Variants in CNTN5 observed in about 807,000 individuals in gnomAD.
CNTN5 encodes the protein contactin-5.
In CNTN5, 77 loss-of-function variants were observed where a neutral mutation model predicts 129.1. The ratio of observed to expected loss-of-function variants is 0.60; its 90% CI spans 0.50 to 0.72. The LOEUF is 0.72. Ranked by LOEUF, CNTN5 falls within the 30% of genes least tolerant of loss-of-function variation. The pLI is 0.00. For synonymous variants in CNTN5, 509 were observed against 465.6 expected (o/e 1.09, Z -1.20); for missense variants, 1,478 against 1,328.8 (o/e 1.11, Z -1.75).
intron 1 of CNTN5, among the ~76,000 whole-genome samples, chr11:99,059,348 G>A (rs760280683): frequency 7.2e-5 from 11 of 152,048 alleles, no homozygotes; most frequent in Non-Finnish European, 1.2e-4. Context: ...GCTTGGCAGA[G>A]AGGGAACTTT....
At chr11:99,288,167 G>T (rs1207383335) in intron 1 of CNTN5, among the ~76,000 whole-genome samples, 1 of 151,732 alleles carries the variant, frequency 6.6e-6, no homozygotes, top group Non-Finnish European at 1.5e-5. Flanking sequence ...ATGATTATGG[G>T]TAATTAGCTT....
intron 3 of CNTN5, among the ~76,000 whole-genome samples, chr11:99,683,260 A>G (rs1177368437): frequency 6.6e-6 from 1 of 151,826 alleles, no homozygotes; most frequent in East Asian, 1.9e-4. Context: ...TATTTTATGG[A>G]AACTTTCCTG....
At chr11:99,618,968 A>G (rs989426057) in intron 3 of CNTN5, among the ~76,000 whole-genome samples, 8 of 152,190 alleles carry the variant, frequency 5.3e-5, no homozygotes, top group Admixed American at 1.3e-4. Context: ...TTATTAATCA[A>G]TGAGTCTGAC....
intron 3 of CNTN5, among the ~76,000 whole-genome samples, chr11:99,637,702 A>G (rs554539420): frequency 2.0e-5 from 3 of 152,102 alleles, no homozygotes; most frequent in East Asian, 3.9e-4. Flanking sequence ...TCAAAAATAT[A>G]TAACTATTTA....
chr11:99,361,791 C>A (rs772444035), intron 2 of CNTN5, among the ~76,000 whole-genome samples: 7 of 92,496 alleles, frequency 7.6e-5, no homozygotes, highest in Non-Finnish European at 1.5e-4. Flanking sequence ...CTTTAAAGAT[C>A]ATCCGTGTCA....
At chr11:100,028,712 G>A (rs1941551666) in intron 9 of CNTN5, among the ~76,000 whole-genome samples, 1 of 152,018 alleles carries the variant, frequency 6.6e-6, no homozygotes, top group East Asian at 1.9e-4. Flanking sequence ...TTCACTCTTT[G>A]GCTTTCTGCT....
rs572900789 is a variant in CNTN5 at position 99,602,800 on chromosome 11, G to A, written c.55+46531G>A. On this transcript the variant is annotated intron_variant, in intron 3 of 24. Transcript: ENST00000524871. Reference sequence around the variant, plus strand: ...AGTGGGTCCCTGACCCCTGACCCCCGAGCAGCCTAACTGGGAGGCACCCCC... The same window carrying A: ...AGTGGGTCCCTGACCCCTGACCCCCAAGCAGCCTAACTGGGAGGCACCCCC... 3.2e-3 allele frequency among the ~76,000 whole-genome samples: 474 copies of A among 147,826 alleles called. 2 individuals are homozygous for A. The highest frequency in any genetic ancestry group is 0.011 in the African/African-American group (447 of 39,800).
intron 2 of CNTN5, among the ~76,000 whole-genome samples, chr11:99,394,692 T>C (rs183716134): frequency 5.1e-4 from 78 of 151,694 alleles, no homozygotes; most frequent in African/African-American, 1.5e-3. Flanking sequence ...GTTTCCTTTC[T>C]CTCACCCTTC....
intron 3 of CNTN5, among the ~76,000 whole-genome samples, chr11:99,784,279 C>T (rs546478701): frequency 5.9e-5 from 9 of 152,184 alleles, no homozygotes; most frequent in African/African-American, 2.2e-4. Flanking sequence ...AGGTATTTCT[C>T]CTAATGCTAT....
chr11:100,024,378 T>A (rs540929052), intron 9 of CNTN5, among the ~76,000 whole-genome samples: 1 of 152,288 alleles, frequency 6.6e-6, no homozygotes, highest in African/African-American at 2.4e-5. Context: ...AATTACCCAG[T>A]CTCAGGCAGT....
At chr11:99,336,910 C>T (rs1252135269) in intron 2 of CNTN5, among the ~76,000 whole-genome samples, 1 of 151,848 alleles carries the variant, frequency 6.6e-6, no homozygotes, top group African/African-American at 2.4e-5. Flanking sequence ...GACAGCATGA[C>T]AATTCACAAT....
intron 2 of CNTN5, among the ~76,000 whole-genome samples, chr11:99,348,016 T>A (rs1591553513): frequency 6.6e-6 from 1 of 152,202 alleles, no homozygotes; most frequent in African/African-American, 2.4e-5. Context: ...CATTAATAAA[T>A]AATGTTATTT....
chr11:99,964,055 TG>T (rs1951024508), intron 8 of CNTN5, among the ~76,000 whole-genome samples: 1 of 152,200 alleles, frequency 6.6e-6, no homozygotes, highest in South Asian at 2.1e-4. Flanking sequence ...AAGGAGATTT[TG>T]GGGTGAGACA....
At chr11:99,210,549 GT>G (rs1009231017) in intron 1 of CNTN5, among the ~76,000 whole-genome samples, 3 of 151,924 alleles carry the variant, frequency 2.0e-5, no homozygotes, top group African/African-American at 7.2e-5. Flanking sequence ...TTGTTTGTAT[GT>G]TTAGGTATCT....
In CNTN5 at chr11:99,104,757, G is replaced by A. The variant is rs184796699; in HGVS notation, c.-210+83487G>A. On this transcript the variant is annotated intron_variant, in intron 1 of 24. Coordinates refer to ENST00000524871, the MANE Select transcript of CNTN5 (RefSeq NM_014361.4). ...GAAAAAAATATTTTTAGAAGATCAG[G>A]ACTGGGGTGAGGTGAATGAGGCATT... Among the ~76,000 whole-genome samples the A allele has an allele frequency of 8.2e-3, 1,241 of 152,132 alleles. 21 individuals are homozygous for A. The highest frequency in any genetic ancestry group is 0.027 in the African/African-American group (1,125 of 41,526).
intron 2 of CNTN5, among the ~76,000 whole-genome samples, chr11:99,502,483 T>A (rs1349440920): frequency 2.0e-5 from 3 of 152,002 alleles, no homozygotes; most frequent in African/African-American, 7.2e-5. Context: ...ATCTGATGGT[T>A]TTATAAGGAG....
rs541389279 is a variant in CNTN5, at chr11:99,369,548, A to G, written c.-71+44064A>G. On this transcript the variant is annotated intron_variant, in intron 2 of 24. Coordinates refer to ENST00000524871, the MANE Select transcript of CNTN5 (RefSeq NM_014361.4). Reference sequence around the variant, plus strand: ...TAATTGTAAGATACTCTCAATGAATATGTATTTGCCTAATATATTATAAAT... The same window carrying G: ...TAATTGTAAGATACTCTCAATGAATGTGTATTTGCCTAATATATTATAAAT... Among the ~76,000 whole-genome samples the G allele has an allele frequency of 1.1e-4, 17 of 152,006 alleles. No homozygotes were observed. In the South Asian group the frequency reaches 2.9e-3, roughly 26 times the overall value.
At chr11:99,883,821 C>G (rs1364821892) in intron 6 of CNTN5, among the ~76,000 whole-genome samples, 1 of 152,182 alleles carries the variant, frequency 6.6e-6, no homozygotes, top group African/African-American at 2.4e-5. Context: ...CATGTCCACA[C>G]CCTTTTCAGA....
At chr11:100,300,481 C>A (rs1951194529) in intron 20 of CNTN5, among the ~76,000 whole-genome samples, 1 of 151,510 alleles carries the variant, frequency 6.6e-6, no homozygotes, top group Non-Finnish European at 1.5e-5. Flanking sequence ...TATAAACTAA[C>A]CCTTATACTT....
Sources: allele counts gnomAD v4.1 joint callset (sites outside exome capture counted in the v4.1 genomes callset), GRCh38; gene constraint gnomAD v4.1.1; transcripts MANE v1.5; gene names NCBI Gene and HGNC (gene_info 2026-07-23, HGNC 2026-07-21).